The following SUSD1 variants were observed in gnomAD, a reference collection of about 807,000 sequenced individuals.
SUSD1 encodes the protein sushi domain containing 1, also known as sushi domain-containing protein 1.
SUSD1 carries 65 observed loss-of-function variants against 86.9 expected under a neutral mutation model. The observed-to-expected ratio is 0.75, with a 90% CI of 0.61 to 0.92. SUSD1 has a LOEUF of 0.92. SUSD1 is among the 40% of genes least tolerant of loss of function. The pLI is 0.00. For missense variants in SUSD1, 850 were observed against 929.7 expected (o/e 0.91, Z 1.11); for synonymous variants, 346 against 350.0 (o/e 0.99, Z 0.13).
intron 1 of SUSD1, among the ~76,000 whole-genome samples, chr9:112,165,942 G>GGAAGAAAGA (rs1833793170): frequency 1.3e-4 from 9 of 71,946 alleles, no homozygotes; most frequent in African/African-American, 4.9e-4. Flanking sequence ...AAGAAAGAAA[G>GGAAGAAAGA]AAGAAAGAAA....
At chr9:112,134,441 C>A (rs1418677122) in intron 5 of SUSD1, among the ~76,000 whole-genome samples, 3 of 152,194 alleles carry the variant, frequency 2.0e-5, no homozygotes, top group African/African-American at 7.2e-5. Context: ...GCCACTTCTA[C>A]TATCCTAAGC....
At chr9:112,158,000 T>C (rs1027713683) in intron 1 of SUSD1, among the ~76,000 whole-genome samples, 1 of 151,918 alleles carries the variant, frequency 6.6e-6, no homozygotes, top group African/African-American at 2.4e-5. Flanking sequence ...ATTTTTTTTT[T>C]TCTTGTAGAC....
At chr9:112,086,098 G>A (rs1258687878) in intron 10 of SUSD1, among the ~76,000 whole-genome samples, 1 of 152,006 alleles carries the variant, frequency 6.6e-6, no homozygotes, top group African/African-American at 2.4e-5. Flanking sequence ...GAGCCCAGGA[G>A]TTTCAGACCA....
At chr9:112,068,699 CAAA>C (rs200990357) in intron 12 of SUSD1, among the ~76,000 whole-genome samples, 2,349 of 84,558 alleles carry the variant, frequency 0.028, 100 homozygotes, top group South Asian at 0.17. Flanking sequence ...GACCCTGTCT[CAAA>C]AAAAAAAAAA....
intron 8 of SUSD1, among the ~76,000 whole-genome samples, chr9:112,103,746 C>T (rs1186459663): frequency 6.6e-6 from 1 of 152,166 alleles, no homozygotes; most frequent in African/African-American, 2.4e-5. Context: ...GACATTTCAG[C>T]TTAGCACAGT....
At chr9:112,156,509 G>A (rs980772558) in intron 2 of SUSD1, among the ~76,000 whole-genome samples, 2 of 150,432 alleles carry the variant, frequency 1.3e-5, no homozygotes, top group Non-Finnish European at 3.0e-5. Context: ...TGGGCTCAAG[G>A]CATCCTCCTG....
chr9:112,053,513 CAAAAAAAAA>C (rs56987871), intron 14 of SUSD1, among the ~76,000 whole-genome samples: 120 of 77,654 alleles, frequency 1.5e-3, no homozygotes, highest in Non-Finnish European at 2.4e-3. Context: ...GACTTCGTCT[CAAAAAAAAA>C]AAAAAAAAAA....
intron 10 of SUSD1, among the ~76,000 whole-genome samples, chr9:112,094,225 G>A (rs16916664): frequency 0.02 from 3,019 of 152,210 alleles, 98 homozygotes; most frequent in African/African-American, 0.069. Context: ...AATGGTGGGA[G>A]GTTTTAAAGA....
At chr9:112,102,462 T>C (rs908100946) in intron 8 of SUSD1, among the ~76,000 whole-genome samples, 177 bp from the exon 9 acceptor site, 2 of 152,190 alleles carry the variant, frequency 1.3e-5, no homozygotes, top group African/African-American at 2.4e-5. Context: ...AGCTTCTCAA[T>C]TGTAATTACC....
intron 10 of SUSD1, among the ~76,000 whole-genome samples, chr9:112,089,098 T>A (rs1357195912): frequency 1.3e-5 from 2 of 151,988 alleles, no homozygotes; most frequent in African/African-American, 4.8e-5. Context: ...CAGGGTGAGA[T>A]CCTGTCTTAA....
chr9:112,069,349 G>C (rs1037372982), intron 12 of SUSD1, among the ~76,000 whole-genome samples: 2 of 152,150 alleles, frequency 1.3e-5, no homozygotes, highest in African/African-American at 4.8e-5. Context: ...TAGAGTCTAG[G>C]CCTCACATCA....
chr9:112,138,266 C>G (rs868576349), intron 5 of SUSD1, among the ~76,000 whole-genome samples: 1 of 62,864 alleles, frequency 1.6e-5, no homozygotes, highest in Admixed American at 1.9e-4. Context: ...TGTGTATATA[C>G]ATATATATAT....
intron 12 of SUSD1, among the ~76,000 whole-genome samples, chr9:112,063,319 T>C (rs201395567): frequency 2.6e-5 from 4 of 152,222 alleles, no homozygotes; most frequent in East Asian, 3.9e-4. Context: ...TGGGAACATA[T>C]TGCTTAATGG....
At chr9:112,127,757 AAAT>A (rs1469434466) in intron 5 of SUSD1, among the ~76,000 whole-genome samples, 1 of 152,232 alleles carries the variant, frequency 6.6e-6, no homozygotes, top group African/African-American at 2.4e-5. Context: ...TGTTATATAG[AAAT>A]AATAATAACA....
chr9:112,158,164 T>C (rs1589743660), intron 1 of SUSD1, among the ~76,000 whole-genome samples: 1 of 152,128 alleles, frequency 6.6e-6, no homozygotes, highest in South Asian at 2.1e-4. Flanking sequence ...GACATACTCC[T>C]CCAGCCTCAT....
chr9:112,087,046 A>G (rs1440255346), intron 10 of SUSD1, among the ~76,000 whole-genome samples: 1 of 151,182 alleles, frequency 6.6e-6, no homozygotes, highest in Non-Finnish European at 1.5e-5. Flanking sequence ...GCTTGTAAAA[A>G]GCTCTACATT....
chr9:112,060,437 G>T (rs1057045785), intron 13 of SUSD1, among the ~76,000 whole-genome samples: 14 of 152,204 alleles, frequency 9.2e-5, no homozygotes, highest in Admixed American at 5.9e-4. Context: ...AATTTTTTTT[G>T]TATTTTTAGT....
chr9:112,127,901 C>T (rs1831848538), intron 5 of SUSD1, among the ~76,000 whole-genome samples: 2 of 151,586 alleles, frequency 1.3e-5, no homozygotes, highest in South Asian at 4.2e-4. Context: ...CTCCTGGGCT[C>T]AAGAAATCCT....
chr9:112,060,930 C>T (rs1289009744), intron 13 of SUSD1, among the ~76,000 whole-genome samples: 1 of 152,222 alleles, frequency 6.6e-6, no homozygotes, highest in Non-Finnish European at 1.5e-5. Context: ...ACATTGCTCA[C>T]TAGAGGCATC....
Sources: allele counts gnomAD v4.1 joint callset (sites outside exome capture counted in the v4.1 genomes callset), GRCh38; gene constraint gnomAD v4.1.1; transcripts MANE v1.5; gene names NCBI Gene and HGNC (gene_info 2026-07-23, HGNC 2026-07-21).